TIPIN: variants seen among roughly 807,000 people sequenced by gnomAD.
TIPIN encodes TIMELESS-interacting protein.
A neutral mutation model predicts 35.6 loss-of-function variants in TIPIN; 29 were observed. The observed-to-expected ratio is 0.82, with a 90% CI of 0.61 to 1.11. The LOEUF is 1.11. Ranked by LOEUF, TIPIN falls within the 50% of genes most tolerant of loss-of-function variation. The pLI, the probability that TIPIN is intolerant of heterozygous loss-of-function variation, is 0.00. For missense variants in TIPIN, 296 were observed against 345.4 expected (o/e 0.86, Z 1.13); for synonymous variants, 102 against 121.5 (o/e 0.84, Z 1.06).
chr15:66,353,924 G>A (rs927162263), intron 1 of TIPIN, among the ~76,000 whole-genome samples: 4 of 151,828 alleles, frequency 2.6e-5, no homozygotes, highest in Non-Finnish European at 5.9e-5. Context: ...TTCGAGACCA[G>A]CCTGGCCAAC....
chr15:66,375,502 TA>T (rs1464816146), intron 1 of TIPIN, among the ~76,000 whole-genome samples: 4 of 5,818 alleles, frequency 6.9e-4, no homozygotes, highest in African/African-American at 9.1e-4. Flanking sequence ...GGAAAAGTTA[TA>T]TATATATATA....
chr15:66,377,266 A>G (rs922662690), intron 1 of TIPIN, among the ~76,000 whole-genome samples: 1 of 152,186 alleles, frequency 6.6e-6, no homozygotes, highest in Non-Finnish European at 1.5e-5. Context: ...AGCCATTTGT[A>G]TGACTTTATC....
At chr15:66,364,367 C>T (rs8023411) in intron 1 of TIPIN, among the ~76,000 whole-genome samples, 136,766 of 151,488 alleles carry the variant, frequency 0.9, 63,377 homozygotes, top group East Asian at 1. Flanking sequence ...GGTTTCACCA[C>T]GTTGGCCAGG....
chr15:66,385,134 C>G (rs2093332034), intron 1 of TIPIN, among the ~76,000 whole-genome samples: 1 of 152,236 alleles, frequency 6.6e-6, no homozygotes, highest in Admixed American at 6.5e-5. Flanking sequence ...ATCTAAGCTT[C>G]TAGGCCTTCC....
chr15:66,367,240 A>G (rs796175737), intron 1 of TIPIN, among the ~76,000 whole-genome samples: 7 of 131,318 alleles, frequency 5.3e-5, no homozygotes, highest in South Asian at 2.5e-4. Context: ...ATCTATATCT[A>G]TATCTATCTA....
intron 1 of TIPIN, chr15:66,382,991 G>T: frequency 4.1e-6 from 4 of 985,338 alleles, no homozygotes; most frequent in Non-Finnish European, 4.8e-6. Flanking sequence ...GAACTATTCT[G>T]CAAACTTTAA....
chr15:66,351,168 T>C (rs2093165316), intron 4 of TIPIN, among the ~76,000 whole-genome samples: 5 of 152,322 alleles, frequency 3.3e-5, no homozygotes, highest in Admixed American at 3.3e-4. Context: ...GTGCCACATC[T>C]TGGGGACACA....
chr15:66,357,126 AGTT>A (rs960543410), upstream of TIPIN, among the ~76,000 whole-genome samples: 25 of 152,114 alleles, frequency 1.6e-4, no homozygotes, highest in African/African-American at 6.0e-4. Flanking sequence ...GACGGGGATT[AGTT>A]GCCCAGGCTG....
In TIPIN at chr15:66,383,228, T is replaced by C. The variant is rs922992822; in HGVS notation, c.-9+3379A>G. 6.6e-5 allele frequency among the ~76,000 whole-genome samples: 10 copies of C among 152,146 alleles called. 1 individual carries two copies. In the South Asian group the frequency reaches 1.7e-3, roughly 25 times the overall value. On this transcript the variant is annotated intron_variant, in intron 1 of 7. Coordinates refer to the TIPIN transcript ENST00000562124. ...ATATAAAATTATACCAGAATTCAGA[T>C]AGACTGCCTTGATAATAGATTACTT...
At chr15:66,358,693 A>G (rs1316376501), upstream of TIPIN, among the ~76,000 whole-genome samples, 4 of 152,148 alleles carry the variant, frequency 2.6e-5, no homozygotes, top group African/African-American at 4.8e-5. Context: ...TTGGGATTAC[A>G]GGCGTGAGCC....
chr15:66,367,790 T>C (rs368028217), intron 1 of TIPIN, among the ~76,000 whole-genome samples: 7 of 151,920 alleles, frequency 4.6e-5, no homozygotes, highest in Admixed American at 2.0e-4. Flanking sequence ...TTTGTTATTA[T>C]GAGTAATGCT....
upstream of TIPIN, among the ~76,000 whole-genome samples, chr15:66,358,357 AG>A (rs1283024521): frequency 5.3e-5 from 8 of 152,194 alleles, no homozygotes; most frequent in African/African-American, 1.7e-4. Context: ...AGCATCATTA[AG>A]ATTTGCCAAA....
intron 1 of TIPIN, among the ~76,000 whole-genome samples, chr15:66,380,453 C>A (rs2093314845): frequency 1.3e-5 from 2 of 152,184 alleles, no homozygotes; most frequent in Non-Finnish European, 2.9e-5. Flanking sequence ...CCAGTGCTAT[C>A]TCACTCTACT....
chr15:66,344,319 C>A (rs536978540), intron 6 of TIPIN, among the ~76,000 whole-genome samples: 1 of 151,896 alleles, frequency 6.6e-6, no homozygotes, highest in Non-Finnish European at 1.5e-5. Flanking sequence ...AGGTGGCTCA[C>A]GCCTGTAATC....
At chr15:66,348,867 C>A (rs936658599) in intron 6 of TIPIN, among the ~76,000 whole-genome samples, 193 bp downstream of exon 6, 2 of 152,140 alleles carry the variant, frequency 1.3e-5, no homozygotes, top group African/African-American at 4.8e-5. Flanking sequence ...ATCCCTTAAG[C>A]CCAGGAGTTG....
intron 1 of TIPIN, chr15:66,386,483 T>G (rs1382686866): frequency 1.3e-5 from 2 of 152,692 alleles, no homozygotes; most frequent in Non-Finnish European, 2.9e-5. Context: ...TCGACAAGTT[T>G]CCTATTCCCC....
chr15:66,355,593 C>CA (rs751479749), intron 1 of TIPIN, among the ~76,000 whole-genome samples: 104 of 151,204 alleles, frequency 6.9e-4, no homozygotes, highest in Non-Finnish European at 1.1e-3. Context: ...ACTAAAAATA[C>CA]AAAAAAAATT....
At chr15:66,340,171 CTTTTTTTTTT>C (rs1213707475) in intron 7 of TIPIN, among the ~76,000 whole-genome samples, 4 of 69,574 alleles carry the variant, frequency 5.7e-5, no homozygotes, top group African/African-American at 2.2e-4. Context: ...TGCGCCTGGC[CTTTTTTTTTT>C]TTTTTTTTTT....
chr15:66,382,344 G>C (rs2077818131), intron 1 of TIPIN: 1 of 985,134 alleles, frequency 1.0e-6, no homozygotes, highest in Non-Finnish European at 1.2e-6. Context: ...TTGAACCTAA[G>C]ATATAGAGGT....
Sources: allele counts gnomAD v4.1 joint callset (sites outside exome capture counted in the v4.1 genomes callset), GRCh38; gene constraint gnomAD v4.1.1; transcripts MANE v1.5; gene names NCBI Gene and HGNC (gene_info 2026-07-23, HGNC 2026-07-21).